GPSM2: variants seen among roughly 807,000 people sequenced by gnomAD.
The protein encoded by GPSM2 is G protein-signaling modulator 2.
Under a neutral mutation model 78.4 loss-of-function variants are expected in GPSM2, and 58 were observed. The observed-to-expected ratio is 0.74, with a 90% CI of 0.60 to 0.92. The LOEUF is 0.92. Among genes scored for constraint, GPSM2 ranks in the 40% least tolerant of loss-of-function variants. The pLI is 0.00. For synonymous variants in GPSM2, 224 were observed against 280.2 expected, an observed-to-expected ratio of 0.80 and a Z score of 2.00; for missense variants, 700 against 815.5, an observed-to-expected ratio of 0.86 and a Z score of 1.73.
intron 10 of GPSM2, among the ~76,000 whole-genome samples, chr1:108,911,168 A>G (rs12406559): frequency 0.035 from 5,291 of 152,290 alleles, 105 homozygotes; most frequent in Middle Eastern, 0.075. Context: ...AAAACTAACC[A>G]AAAGACAGTC....
At chr1:108,919,391 T>TA (rs1650531057) in intron 12 of GPSM2, among the ~76,000 whole-genome samples, 1 of 152,180 alleles carries the variant, frequency 6.6e-6, no homozygotes, top group Non-Finnish European at 1.5e-5. Flanking sequence ...AACCACCCTC[T>TA]ACTCAGCTCA....
intron 2 of GPSM2, among the ~76,000 whole-genome samples, chr1:108,895,496 G>A (rs187833866): frequency 1.6e-3 from 244 of 152,310 alleles, no homozygotes; most frequent in South Asian, 3.9e-3. Flanking sequence ...CTGCAGGTGG[G>A]CAGGACGAGT....
At chr1:108,897,887 G>T in intron 4 of GPSM2, 72 bp from the exon 5 acceptor site, 1 of 1,479,164 alleles carries the variant, frequency 6.8e-7, no homozygotes, top group Non-Finnish European at 9.4e-7. Context: ...TAATACTAAG[G>T]ATATTACAAA....
intron 14 of GPSM2, among the ~76,000 whole-genome samples, chr1:108,927,734 C>T: frequency 6.6e-6 from 1 of 152,106 alleles, no homozygotes; most frequent in East Asian, 1.9e-4. Flanking sequence ...CTTTGGGAGG[C>T]CAAGGTGGGA....
At position 108,923,997 on chromosome 1, in the gene GPSM2, T is replaced by TA. The variant is rs776798434; in HGVS notation, c.1601-2dup. 2 of 1,586,664 alleles carry TA rather than the reference T, an allele frequency of 1.3e-6. No individual in the cohort carries two copies. The highest frequency in any genetic ancestry group is 3.3e-5 in the Admixed American group (2 of 59,980). ...ATCTTTGGCTTTCTTCTTCTGTTCT[T>TA]AGCATCATCTGTTCCTGTGGTATCC... On this transcript the variant is annotated splice_region_variant and splice_polypyrimidine_tract_variant and intron_variant, in intron 13 of 14. Coordinates refer to ENST00000264126, the MANE Select transcript of GPSM2 (RefSeq NM_013296.5).
At chr1:108,918,881 A>C in intron 12 of GPSM2, 92 bp downstream of exon 12, 1 of 795,818 alleles carries the variant, frequency 1.3e-6, no homozygotes, top group Non-Finnish European at 2.2e-6. Flanking sequence ...AATTTAAATT[A>C]GACATTTAAT....
chr1:108,881,837 C>T (rs554447259), intron 1 of GPSM2, among the ~76,000 whole-genome samples: 25 of 152,132 alleles, frequency 1.6e-4, no homozygotes, highest in African/African-American at 4.8e-4. Flanking sequence ...TTTACTTATT[C>T]GTTAATTTGT....
intron 1 of GPSM2, among the ~76,000 whole-genome samples, chr1:108,880,765 A>G (rs750689505): frequency 2.6e-5 from 4 of 152,260 alleles, no homozygotes; most frequent in Non-Finnish European, 5.9e-5. Flanking sequence ...TGGTGGCAAG[A>G]AAAGTAAATT....
In GPSM2 at chr1:108,931,251, T is replaced by TATGA; in HGVS notation, c.*1313_*1316dup. On this transcript the variant is annotated 3_prime_UTR_variant, in exon 15 of 15. Coordinates refer to ENST00000264126, the MANE Select transcript of GPSM2 (RefSeq NM_013296.5). ...CAGATGAAAACTCACAAAAATTAAA[T>TATGA]ATGAAAGAAAGATGTCAGCTAGAAC... is the stretch of plus-strand genomic sequence containing the variant. The TATGA allele has an allele frequency of 1.4e-6, 2 of 1,430,512 alleles. No homozygotes were observed. The highest frequency in any genetic ancestry group is 2.9e-5 in the African/African-American group (2 of 69,188). 88.6% of individuals were successfully genotyped at this position (1,430,512 alleles called of 1,614,324 possible).
chr1:108,892,670 T>C (rs1488711373), intron 2 of GPSM2, among the ~76,000 whole-genome samples: 1 of 152,186 alleles, frequency 6.6e-6, no homozygotes, highest in African/African-American at 2.4e-5. Flanking sequence ...ACCCAACTGG[T>C]AAACAAAGGA....
Position 108,933,935 on chromosome 1 carries a change from A to C in GPSM2, c.*3995A>C, listed in dbSNP as rs1488550018. On this transcript the variant is annotated 3_prime_UTR_variant, in exon 15 of 15. Transcript: ENST00000264126. ...AGTCTCCACTGCTAGGATTCTGAGT[A>C]ACACAAAAAATAGGTTTTATAAAAA... is the stretch of plus-strand genomic sequence containing the variant. The C allele has an allele frequency of 6.6e-6, 1 of 152,248 alleles. No homozygotes were observed. Among genetic ancestry groups the C allele is most frequent in the African/African-American group, 2.4e-5 (1 of 41,468 alleles). The allele number at this position is 152,248 out of a possible 1,614,324, so 9.4% of individuals were successfully genotyped here. A position where few individuals can be genotyped will look rare whatever the true frequency, so the allele number is the denominator to read the frequency against.
rs143877156 is a variant in GPSM2 at position 108,898,088 on chromosome 1, G to A, written c.544G>A (p.Val182Met). The change falls in exon 5 of 15, where the codon GTG (valine) becomes ATG (methionine). Residue 182 changes from valine to methionine, a missense_variant. Val to Met is a conservative substitution (Grantham distance 21). Transcript: ENST00000264126. ...AGTGAGAGATGCTCTGCAGGCAGCC[G>A]TGGATTTTTATGAGTGAGTAGGGGC... Reference protein sequence around the residue: ...EEVRDALQAAVDFYEENLSLV... With the variant: ...EEVRDALQAAMDFYEENLSLV... 2.6e-5 allele frequency: 42 copies of A among 1,613,944 alleles called. No homozygotes were observed. Among genetic ancestry groups the A allele is most frequent in the Non-Finnish European group, 3.3e-5 (39 of 1,179,848 alleles).
chr1:108,901,632 C>T (rs769905769), intron 7 of GPSM2, among the ~76,000 whole-genome samples, 158 bp from the exon 8 acceptor site: 14 of 152,038 alleles, frequency 9.2e-5, no homozygotes, highest in Non-Finnish European at 1.9e-4. Context: ...TTCATTTTGT[C>T]TAAAAGTAAT....
At chr1:108,923,870 C>G (rs1396648871) in intron 13 of GPSM2, 130 bp from the exon 14 acceptor site, 5 of 708,708 alleles carry the variant, frequency 7.1e-6, no homozygotes, top group East Asian at 2.6e-5. Context: ...AGCGCTATAG[C>G]AGGAGGGCAG....
chr1:108,915,868 A>G (rs1359037592), intron 11 of GPSM2, among the ~76,000 whole-genome samples: 1 of 152,176 alleles, frequency 6.6e-6, no homozygotes, highest in Non-Finnish European at 1.5e-5. Context: ...TGGTAACTGC[A>G]GTTATTTTGG....
At position 108,929,759 on chromosome 1, in the gene GPSM2, C is replaced by G. The variant is rs774583431; in HGVS notation, c.1874C>G (p.Thr625Arg). 13 of 1,612,858 alleles carry G rather than the reference C, an allele frequency of 8.1e-6. No individual in the cohort carries two copies. The highest frequency in any genetic ancestry group is 1.1e-5 in the Non-Finnish European group (13 of 1,178,978). Residue 625 changes from threonine to arginine, a missense_variant, in exon 15 of 15, where the codon ACA becomes AGA. Physicochemically the swap from Thr to Arg is moderately conservative, Grantham distance 71. Transcript: ENST00000264126. ...APPPATTKGP[T>R]VPDEDFFSLI... ...CCACCTGCTACCACAAAGGGTCCGA[C>G]AGTACCAGATGAAGACTTTTTCAGC...
At chr1:108,885,915 G>A (rs1421214406) in intron 2 of GPSM2, among the ~76,000 whole-genome samples, 1 of 152,190 alleles carries the variant, frequency 6.6e-6, no homozygotes, top group Non-Finnish European at 1.5e-5. Context: ...GTGGTCAGCT[G>A]AAGGACCAAA....
chr1:108,917,667 A>ATATATATATATATATATATATAT (rs1179153795), intron 11 of GPSM2, among the ~76,000 whole-genome samples: 1 of 49,244 alleles, frequency 2.0e-5, no homozygotes, highest in Non-Finnish European at 4.3e-5. Context: ...TATATATATA[A>ATATATATATATATATATATATAT]ATGAGTTCTC....
Position 108,931,447 on chromosome 1 carries a change from C to A in GPSM2, c.*1507C>A. The A allele has an allele frequency of 6.4e-7, 1 of 1,550,842 alleles. No homozygotes were observed. Among genetic ancestry groups the A allele is most frequent in the Non-Finnish European group, 8.7e-7 (1 of 1,147,062 alleles). On this transcript the variant is annotated 3_prime_UTR_variant, in exon 15 of 15. Transcript: ENST00000264126. ...AAAGGCCCACGCTTGGAACAAGTTG[C>A]CAACTTGTTTCACTCTGCTTGCTTC...
Sources: allele counts gnomAD v4.1 joint callset (sites outside exome capture counted in the v4.1 genomes callset), GRCh38; gene constraint gnomAD v4.1.1; transcripts MANE v1.5; gene names NCBI Gene and HGNC (gene_info 2026-07-23, HGNC 2026-07-21).